The following LMX1A variants were observed in gnomAD, a reference collection of about 807,000 sequenced individuals.
LMX1A encodes LIM homeobox transcription factor 1-alpha.
In LMX1A, 15 loss-of-function variants were observed where a neutral mutation model predicts 49.1. That is an observed-to-expected ratio of 0.31 (90% CI 0.20 to 0.47). The LOEUF (loss-of-function observed/expected upper bound fraction) is 0.47. LMX1A is among the 20% of genes least tolerant of loss of function. LMX1A has a pLI of 1.00. For synonymous variants in LMX1A, 167 were observed against 185.7 expected (o/e 0.90, Z 0.82); for missense variants, 372 against 475.8 (o/e 0.78, Z 2.03).
chr1:165,259,092 AT>A (rs1653344834), intron 3 of LMX1A, among the ~76,000 whole-genome samples: 1 of 152,194 alleles, frequency 6.6e-6, no homozygotes, highest in Non-Finnish European at 1.5e-5. Flanking sequence ...ATATAAGATA[AT>A]TTATTTCAAG....
At chr1:165,265,065 A>G (rs534339859) in intron 3 of LMX1A, among the ~76,000 whole-genome samples, 1 of 152,070 alleles carries the variant, frequency 6.6e-6, no homozygotes, top group South Asian at 2.1e-4. Flanking sequence ...TTAGCCGGGC[A>G]TGGTGGCGGG....
chr1:165,229,708 CA>C (rs1652171216), intron 4 of LMX1A, among the ~76,000 whole-genome samples: 1 of 150,866 alleles, frequency 6.6e-6, no homozygotes, highest in African/African-American at 2.4e-5. Context: ...GGTTCTCAAT[CA>C]GGAGGGTTTT....
intron 4 of LMX1A, among the ~76,000 whole-genome samples, chr1:165,245,832 C>T (rs924110464): frequency 2.0e-5 from 3 of 152,012 alleles, no homozygotes; most frequent in African/African-American, 4.8e-5. Context: ...TGTCTTTGCG[C>T]GGTTCTGCTA....
At chr1:165,219,018 G>A (rs926987918) in intron 4 of LMX1A, 1 of 152,222 alleles carries the variant, frequency 6.6e-6, no homozygotes, top group Non-Finnish European at 1.5e-5. Flanking sequence ...CTACCAGAGT[G>A]AAATGAATTT....
intron 3 of LMX1A, among the ~76,000 whole-genome samples, chr1:165,280,490 A>T (rs1451543079): frequency 6.6e-6 from 1 of 152,162 alleles, no homozygotes; most frequent in East Asian, 1.9e-4. Context: ...CACCATTGTG[A>T]CACTTCTCAT....
chr1:165,225,327 C>T (rs1489835771), intron 4 of LMX1A, among the ~76,000 whole-genome samples: 2 of 152,146 alleles, frequency 1.3e-5, no homozygotes, highest in African/African-American at 4.8e-5. Context: ...GGAAAGATTG[C>T]CCTAGATTGC....
intron 3 of LMX1A, among the ~76,000 whole-genome samples, chr1:165,288,867 GCAAA>G (rs2101712983): frequency 6.6e-6 from 1 of 152,310 alleles, no homozygotes; most frequent in Non-Finnish European, 1.5e-5. Flanking sequence ...TGCATTTGAA[GCAAA>G]CAGTCTCAGA....
chr1:165,339,262 G>A (rs1028693882), intron 3 of LMX1A, among the ~76,000 whole-genome samples: 2 of 152,182 alleles, frequency 1.3e-5, no homozygotes, highest in Non-Finnish European at 2.9e-5. Context: ...CTGCAGTCTG[G>A]TTAACAAGGA....
chr1:165,349,844 A>G (rs1056585404), intron 3 of LMX1A, among the ~76,000 whole-genome samples: 1 of 152,240 alleles, frequency 6.6e-6, no homozygotes, highest in Non-Finnish European at 1.5e-5. Flanking sequence ...GCCTAACACC[A>G]TAAAGAGACA....
At position 165,213,628 on chromosome 1, in the gene LMX1A, C is replaced by T. The variant is rs761410820; in HGVS notation, c.669+13G>A. The T allele has an allele frequency of 6.2e-7, 1 of 1,609,320 alleles. No individual in the cohort carries two copies. The highest frequency in any genetic ancestry group is 2.2e-5 in the East Asian group (1 of 44,828). On this transcript the variant is annotated intron_variant, in intron 5 of 8. Transcript: ENST00000342310. ...GGGGCCCAGCTCCTTTTCCTCCCTG[C>T]TCCCTCCTATACCTTCCTGCAGGGC...
chr1:165,226,552 C>G lies in LMX1A; in HGVS notation c.497-12739G>C, dbSNP rs150338604. Among the ~76,000 whole-genome samples, 7 of 152,230 alleles carry G rather than the reference C, an allele frequency of 4.6e-5. No homozygotes were observed. The East Asian group carries it at 1.4e-3, about 29-fold the overall frequency. On this transcript the variant is annotated intron_variant, in intron 4 of 8. Coordinates refer to ENST00000342310, the MANE Select transcript of LMX1A (RefSeq NM_177398.4). Reference sequence around the variant, plus strand: ...TAGAGCAAGAGATTATAGGGAAGCACGGCAAACAAGAAAAAAACTTGCCAT... The same window carrying G: ...TAGAGCAAGAGATTATAGGGAAGCAGGGCAAACAAGAAAAAAACTTGCCAT...
At chr1:165,261,475 C>T (rs561122122) in intron 3 of LMX1A, among the ~76,000 whole-genome samples, 104 of 152,226 alleles carry the variant, frequency 6.8e-4, no homozygotes, top group Middle Eastern at 3.4e-3. Flanking sequence ...GAATGCGGTA[C>T]GGAGTTTCCT....
At chr1:165,320,129 G>T (rs1557883767) in intron 3 of LMX1A, among the ~76,000 whole-genome samples, 1 of 152,130 alleles carries the variant, frequency 6.6e-6, no homozygotes, top group Non-Finnish European at 1.5e-5. Flanking sequence ...AAGAAAACTG[G>T]AATAGAAAAT....
At chr1:165,324,903 GT>G (rs1262749745) in intron 3 of LMX1A, among the ~76,000 whole-genome samples, 2 of 152,142 alleles carry the variant, frequency 1.3e-5, no homozygotes, top group East Asian at 3.9e-4. Context: ...AACATAGTAA[GT>G]AAATGTTTAA....
chr1:165,288,803 G>T (rs1046861308), intron 3 of LMX1A, among the ~76,000 whole-genome samples: 6 of 152,228 alleles, frequency 3.9e-5, no homozygotes, highest in Admixed American at 6.5e-5. Flanking sequence ...AAAATTCATG[G>T]TGCCTTATTG....
chr1:165,236,647 G>A (rs1349449276), intron 4 of LMX1A, among the ~76,000 whole-genome samples: 2 of 151,916 alleles, frequency 1.3e-5, no homozygotes, highest in East Asian at 3.9e-4. Flanking sequence ...AGTCTCTGTG[G>A]TTCAGCACCA....
intron 3 of LMX1A, among the ~76,000 whole-genome samples, chr1:165,346,200 C>G (rs1557891787): frequency 6.6e-6 from 1 of 152,164 alleles, no homozygotes; most frequent in South Asian, 2.1e-4. Flanking sequence ...CTATCTATCA[C>G]TCTATTATAC....
At chr1:165,276,674 AAT>A (rs200120478) in intron 3 of LMX1A, among the ~76,000 whole-genome samples, 7,794 of 152,016 alleles carry the variant, frequency 0.051, 286 homozygotes, top group Middle Eastern at 0.085. Context: ...AAAAAAAAAA[AAT>A]TAAGTGTGGC....
intron 4 of LMX1A, among the ~76,000 whole-genome samples, chr1:165,230,711 A>G (rs1571163430): frequency 6.6e-6 from 1 of 152,204 alleles, no homozygotes; most frequent in Non-Finnish European, 1.5e-5. Context: ...TCACATTCAC[A>G]TTTCCTCGGA....
Sources: gnomAD v4.1 joint callset for allele counts (sites outside exome capture counted in the v4.1 genomes callset) on GRCh38, gnomAD v4.1.1 for gene constraint, MANE v1.5 for transcripts, NCBI Gene and HGNC (gene_info 2026-07-23, HGNC 2026-07-21) for gene names.